The following MYO3A variants were observed in gnomAD, a reference collection of about 807,000 sequenced individuals.
MYO3A encodes myosin-IIIa.
In MYO3A, 180 loss-of-function variants were observed where a neutral mutation model predicts 192.7. That is an observed-to-expected ratio of 0.93 (90% CI 0.83 to 1.06). The LOEUF is 1.06. Ranked by LOEUF, MYO3A falls within the 50% of genes least tolerant of loss-of-function variation. The pLI is 0.00. For synonymous variants in MYO3A, 628 were observed against 645.3 expected, an observed-to-expected ratio of 0.97 and a Z score of 0.41; for missense variants, 1,896 against 1,905.0, an observed-to-expected ratio of 1.00 and a Z score of 0.09.
intron 33 of MYO3A, 52 bp from the exon 34 acceptor site, chr10:26,202,908 TTAAG>T: frequency 6.3e-7 from 1 of 1,592,356 alleles, no homozygotes; most frequent in Non-Finnish European, 8.6e-7. Flanking sequence ...TCCTGTAAGT[TTAAG>T]TGAGTAGAAA....
intron 31 of MYO3A, among the ~76,000 whole-genome samples, chr10:26,177,740 G>C (rs1842404808): frequency 6.6e-6 from 1 of 152,144 alleles, no homozygotes; most frequent in Non-Finnish European, 1.5e-5. Context: ...AGGGATCCCT[G>C]ACATCATCTC....
At chr10:26,178,715 G>C (rs1392370295) in intron 31 of MYO3A, among the ~76,000 whole-genome samples, 1 of 152,164 alleles carries the variant, frequency 6.6e-6, no homozygotes, top group East Asian at 1.9e-4. Context: ...ACAGTCTGAA[G>C]ACAGTAGGAA....
intron 32 of MYO3A, among the ~76,000 whole-genome samples, chr10:26,200,078 G>C (rs1041166887): frequency 3.9e-5 from 6 of 152,138 alleles, no homozygotes; most frequent in African/African-American, 1.4e-4. Flanking sequence ...GACAGGAAAC[G>C]GGAGAACAGG....
chr10:26,056,115 C>G (rs1834094837), intron 10 of MYO3A, among the ~76,000 whole-genome samples: 1 of 152,002 alleles, frequency 6.6e-6, no homozygotes, highest in African/African-American at 2.4e-5. Context: ...CCTGCAAGGA[C>G]AGATGGGCAA....
At chr10:26,171,606 G>A (rs1283238328) in intron 29 of MYO3A, among the ~76,000 whole-genome samples, 2 of 152,126 alleles carry the variant, frequency 1.3e-5, no homozygotes, top group African/African-American at 4.8e-5. Flanking sequence ...TGTGTATTCT[G>A]AGACCTATAT....
intron 10 of MYO3A, among the ~76,000 whole-genome samples, chr10:26,039,207 A>ATTTTTTTTTTTTTTTTTTT (rs34416918): frequency 9.4e-5 from 10 of 106,858 alleles, no homozygotes; most frequent in Non-Finnish European, 1.4e-4. Context: ...GGCTCGGCTA[A>ATTTTTTTTTTTTTTTTTTT]TTTTTTTTTT....
At chr10:26,119,478 G>A (rs1838720514) in intron 17 of MYO3A, among the ~76,000 whole-genome samples, 1 of 151,998 alleles carries the variant, frequency 6.6e-6, no homozygotes, top group South Asian at 2.1e-4. Context: ...TATATTTGTT[G>A]TTTATGTATT....
chr10:26,139,238 A>AT (rs1840017665), intron 20 of MYO3A, among the ~76,000 whole-genome samples: 1 of 152,072 alleles, frequency 6.6e-6, no homozygotes, highest in Admixed American at 6.5e-5. Context: ...ATAGATTAAA[A>AT]ATATATATAT....
rs1554836048 is a variant in MYO3A at position 26,157,406 on chromosome 10, G to A, written c.2890G>A (p.Asp964Asn). ...TAGTGAGCGTCAGGCAAGAAAATAT[G>A]ACAAAGAGAAAGTTCTGCTACAGCT... The part of the protein sequence containing the change: ...PNSERQARKY[D>N]KEKVLLQLRY... Residue 964 changes from aspartate to asparagine, a missense_variant, in exon 26 of 35, where the codon GAC (aspartate) becomes AAC (asparagine). Asp to Asn is a conservative substitution (Grantham distance 23, BLOSUM62 1). Coordinates refer to ENST00000642920, the MANE Select transcript of MYO3A (RefSeq NM_017433.5). 2 of 1,614,096 alleles carry A rather than the reference G, an allele frequency of 1.2e-6. No homozygotes were observed. The highest frequency in any genetic ancestry group is 1.7e-6 in the Non-Finnish European group (2 of 1,179,996).
intron 33 of MYO3A, 86 bp downstream of exon 33, chr10:26,201,391 C>T: frequency 9.2e-7 from 1 of 1,081,566 alleles, no homozygotes; most frequent in Non-Finnish European, 1.3e-6. Context: ...TTAAAATCAC[C>T]TATTTTAGGC....
chr10:26,105,070 A>ATGT (rs1036775249), intron 17 of MYO3A, among the ~76,000 whole-genome samples: 82 of 152,212 alleles, frequency 5.4e-4, no homozygotes, highest in African/African-American at 1.7e-3. Flanking sequence ...AGGTAGTATA[A>ATGT]TGTTCCACAG....
intron 14 of MYO3A, among the ~76,000 whole-genome samples, chr10:26,073,743 G>A (rs2131408196): frequency 6.6e-6 from 1 of 152,260 alleles, no homozygotes; most frequent in Admixed American, 6.5e-5. Context: ...TGCATACTGT[G>A]TGATTCAGTT....
intron 34 of MYO3A, among the ~76,000 whole-genome samples, chr10:26,210,433 A>G (rs547186406): frequency 6.6e-6 from 1 of 152,270 alleles, no homozygotes; most frequent in East Asian, 1.9e-4. Context: ...CCCCACGTTT[A>G]ATCCATCAGT....
chr10:26,155,624 T>C (rs1841067684), intron 25 of MYO3A, among the ~76,000 whole-genome samples: 2 of 152,290 alleles, frequency 1.3e-5, no homozygotes, highest in Middle Eastern at 3.4e-3. Context: ...TAAAATTCTT[T>C]AAAAAATATA....
chr10:25,944,014 T>C (rs980016119), intron 2 of MYO3A, among the ~76,000 whole-genome samples: 6 of 152,164 alleles, frequency 3.9e-5, no homozygotes, highest in African/African-American at 1.4e-4. Context: ...CTTGCACCAT[T>C]GAATATAATG....
At chr10:26,072,853 A>G (rs955676256) in intron 14 of MYO3A, among the ~76,000 whole-genome samples, 25 of 152,370 alleles carry the variant, frequency 1.6e-4, no homozygotes, top group Admixed American at 8.5e-4. Flanking sequence ...TAGCAGTTTT[A>G]CTGCTATGTG....
chr10:26,145,133 C>G (rs183945519), intron 21 of MYO3A, among the ~76,000 whole-genome samples: 1 of 149,686 alleles, frequency 6.7e-6, no homozygotes, highest in African/African-American at 2.5e-5. Flanking sequence ...GAGCCAAGAT[C>G]GCACCATTGC....
intron 20 of MYO3A, among the ~76,000 whole-genome samples, chr10:26,130,062 C>T (rs1465315094): frequency 6.6e-6 from 1 of 151,344 alleles, no homozygotes; most frequent in Admixed American, 6.6e-5. Flanking sequence ...ACAGATATTT[C>T]AATAATTATT....
At chr10:26,090,996 AG>A (rs1836666707) in intron 15 of MYO3A, among the ~76,000 whole-genome samples, 1 of 152,206 alleles carries the variant, frequency 6.6e-6, no homozygotes, top group South Asian at 2.1e-4. Flanking sequence ...GGAGAGAGCA[AG>A]GGGATAACAT....
Sources: gnomAD v4.1 joint callset for allele counts (sites outside exome capture counted in the v4.1 genomes callset) on GRCh38, gnomAD v4.1.1 for gene constraint, MANE v1.5 for transcripts, NCBI Gene and HGNC (gene_info 2026-07-23, HGNC 2026-07-21) for gene names.